ZBTB20: variants seen among roughly 807,000 people sequenced by gnomAD.
The protein encoded by ZBTB20 is zinc finger and BTB domain containing 20.
In ZBTB20, 9 loss-of-function variants were observed where a neutral mutation model predicts 56.9. The ratio of observed to expected loss-of-function variants is 0.16; its 90% confidence interval spans 0.10 to 0.28. ZBTB20 has a LOEUF of 0.28. ZBTB20 is among the 10% of genes least tolerant of loss of function. ZBTB20 has a pLI of 1.00. For synonymous variants in ZBTB20, 417 were observed against 420.7 expected (o/e 0.99, Z 0.11); for missense variants, 655 against 1,003.0 (o/e 0.65, Z 4.69).
At chr3:114,748,348 T>TC (rs2067269352) in intron 5 of ZBTB20, among the ~76,000 whole-genome samples, 1 of 27,340 alleles carries the variant, frequency 3.7e-5, no homozygotes, top group African/African-American at 7.6e-5. Flanking sequence ...TTTCTTTCTT[T>TC]CTTTTCTCTC....
intron 2 of ZBTB20, among the ~76,000 whole-genome samples, chr3:115,047,766 G>C (rs1240930084): frequency 2.0e-5 from 3 of 152,122 alleles, no homozygotes; most frequent in Non-Finnish European, 4.4e-5. Context: ...CTAATTGGTG[G>C]TGAACAGCTT....
At chr3:114,549,947 T>C (rs1205829931) in intron 6 of ZBTB20, among the ~76,000 whole-genome samples, 2 of 152,126 alleles carry the variant, frequency 1.3e-5, no homozygotes, top group African/African-American at 4.8e-5. Flanking sequence ...ACTTCTTTTT[T>C]ATTTTTTTGA....
At chr3:114,446,611 T>C (rs935376713) in intron 7 of ZBTB20, among the ~76,000 whole-genome samples, 2 of 152,178 alleles carry the variant, frequency 1.3e-5, no homozygotes, top group Non-Finnish European at 2.9e-5. Flanking sequence ...AGAATATTCA[T>C]ACAAATACAG....
intron 6 of ZBTB20, among the ~76,000 whole-genome samples, chr3:114,576,712 T>C (rs1236385909): frequency 6.6e-6 from 1 of 151,540 alleles, no homozygotes; most frequent in Non-Finnish European, 1.5e-5. Flanking sequence ...CAGTGATTAT[T>C]ACCGAAAGAA....
intron 2 of ZBTB20, among the ~76,000 whole-genome samples, chr3:114,992,221 A>G (rs2078846075): frequency 6.6e-6 from 1 of 152,074 alleles, no homozygotes; most frequent in Admixed American, 6.6e-5. Flanking sequence ...AAAGTGCAAG[A>G]GTAAATATGT....
At chr3:114,386,797 A>G (rs1159109399) in intron 8 of ZBTB20, among the ~76,000 whole-genome samples, 1 of 152,142 alleles carries the variant, frequency 6.6e-6, no homozygotes, top group Non-Finnish European at 1.5e-5. Context: ...AAGACTAATC[A>G]ACATATGTGT....
chr3:114,656,722 C>G (rs1213627608), intron 6 of ZBTB20, among the ~76,000 whole-genome samples: 1 of 152,002 alleles, frequency 6.6e-6, no homozygotes, highest in Non-Finnish European at 1.5e-5. Context: ...ATTTTCTCAT[C>G]TGTTCCCTCA....
chr3:114,603,056 T>C (rs2056880822), intron 6 of ZBTB20, among the ~76,000 whole-genome samples: 1 of 152,006 alleles, frequency 6.6e-6, no homozygotes. Context: ...ATTTAAGTGC[T>C]GAATTGAATA....
chr3:114,949,476 A>G (rs1158411117), intron 3 of ZBTB20, among the ~76,000 whole-genome samples: 1 of 146,698 alleles, frequency 6.8e-6, no homozygotes, highest in Admixed American at 6.6e-5. Flanking sequence ...TAACCAAAAG[A>G]CAACTATAAG....
chr3:114,614,761 G>T (rs989852266), intron 6 of ZBTB20, among the ~76,000 whole-genome samples: 2 of 151,958 alleles, frequency 1.3e-5, no homozygotes, highest in Non-Finnish European at 2.9e-5. Context: ...TTGTTTGTTT[G>T]TTTGTTTTGA....
At chr3:114,574,213 T>G (rs565065797) in intron 6 of ZBTB20, among the ~76,000 whole-genome samples, 4 of 152,308 alleles carry the variant, frequency 2.6e-5, no homozygotes, top group African/African-American at 9.6e-5. Context: ...TTTTAAAATC[T>G]TTTTTCTCTT....
At chr3:115,045,186 T>C (rs972888212) in intron 2 of ZBTB20, among the ~76,000 whole-genome samples, 1 of 152,164 alleles carries the variant, frequency 6.6e-6, no homozygotes, top group Non-Finnish European at 1.5e-5. Flanking sequence ...AACTCGTGAA[T>C]CCCATTCATT....
chr3:114,810,438 T>C (rs537006967), intron 4 of ZBTB20, among the ~76,000 whole-genome samples: 1 of 152,322 alleles, frequency 6.6e-6, no homozygotes, highest in South Asian at 2.1e-4. Flanking sequence ...TTTTCTATGT[T>C]CTGCTCCATC....
chr3:114,393,978 T>C (rs551564982), intron 7 of ZBTB20, among the ~76,000 whole-genome samples: 1 of 152,180 alleles, frequency 6.6e-6, no homozygotes, highest in Non-Finnish European at 1.5e-5. Flanking sequence ...TAAGGAACTT[T>C]CTGCAGATGT....
chr3:115,039,836 A>T (rs1258491275), intron 2 of ZBTB20, among the ~76,000 whole-genome samples: 1 of 152,070 alleles, frequency 6.6e-6, no homozygotes, highest in Non-Finnish European at 1.5e-5. Context: ...AAGGGTACAA[A>T]ATTTCAGTTA....
chr3:114,349,308 T>C (rs1346085650), intron 11 of ZBTB20, among the ~76,000 whole-genome samples: 1 of 152,188 alleles, frequency 6.6e-6, no homozygotes, highest in Non-Finnish European at 1.5e-5. Context: ...TGTGCTCACT[T>C]ATATGGAGGC....
chr3:114,928,320 G>A (rs2076231413), intron 3 of ZBTB20, among the ~76,000 whole-genome samples: 1 of 150,808 alleles, frequency 6.6e-6, no homozygotes, highest in Non-Finnish European at 1.5e-5. Context: ...GTTCTTCAAT[G>A]ATGGAGAACC....
chr3:114,599,053 T>C (rs1282268744), intron 6 of ZBTB20, among the ~76,000 whole-genome samples: 1 of 152,108 alleles, frequency 6.6e-6, no homozygotes, highest in East Asian at 1.9e-4. Context: ...CCGTTTTTAG[T>C]TGCCAGGACA....
In ZBTB20 at chr3:114,317,591, G is replaced by A. The variant is rs1465333503; in HGVS notation, c.*21414C>T. 1.3e-5 allele frequency: 2 copies of A among 152,140 alleles called. No individual in the cohort carries two copies. The highest frequency in any genetic ancestry group is 4.8e-5 in the African/African-American group (2 of 41,418). 9.4% of individuals were successfully genotyped at this position (152,140 alleles called of 1,614,324 possible). A position where few individuals can be genotyped will look rare whatever the true frequency, so the allele number is the denominator to read the frequency against. ...AAGAGTGTCATGAAGGGGTTGAAATGTTTGTGTTCAATGTTTAGGGGGAAT... is the reference window on the plus strand; with the variant it reads ...AAGAGTGTCATGAAGGGGTTGAAATATTTGTGTTCAATGTTTAGGGGGAAT... On this transcript the variant is annotated 3_prime_UTR_variant, in exon 12 of 12. Transcript: ENST00000675478.
Sources: allele counts gnomAD v4.1 joint callset (sites outside exome capture counted in the v4.1 genomes callset), GRCh38; gene constraint gnomAD v4.1.1; transcripts MANE v1.5; gene names NCBI Gene and HGNC (gene_info 2026-07-23, HGNC 2026-07-21).